DLC1: variants seen among roughly 807,000 people sequenced by gnomAD.
The protein encoded by DLC1 is DLC1 Rho GTPase activating protein.
DLC1 carries 54 observed loss-of-function variants against 140.3 expected under a neutral mutation model. The ratio of observed to expected loss-of-function variants is 0.38; its 90% CI spans 0.31 to 0.48. DLC1 has a LOEUF of 0.48. DLC1 is among the 20% of genes least tolerant of loss of function. The pLI, the probability that DLC1 is intolerant of heterozygous loss-of-function variation, is 0.96. For missense variants in DLC1, 2,536 were observed against 1,907.0 expected, an observed-to-expected ratio of 1.33 and a Z score of -6.14; for synonymous variants, 986 against 728.1, an observed-to-expected ratio of 1.35 and a Z score of -5.70.
At chr8:13,236,581 C>T (rs1311668828) in intron 5 of DLC1, among the ~76,000 whole-genome samples, 8 of 152,072 alleles carry the variant, frequency 5.3e-5, no homozygotes, top group Non-Finnish European at 1.0e-4. Context: ...TATTGAACCA[C>T]AGATTTCTGG....
intron 5 of DLC1, among the ~76,000 whole-genome samples, chr8:13,285,889 C>G (rs1359582944): frequency 6.6e-6 from 1 of 152,076 alleles, no homozygotes; most frequent in Non-Finnish European, 1.5e-5. Flanking sequence ...GAGATCAGCT[C>G]AGTGCTTGCC....
intron 5 of DLC1, among the ~76,000 whole-genome samples, chr8:13,264,958 G>C (rs886274309): frequency 1.3e-5 from 2 of 152,176 alleles, no homozygotes; most frequent in African/African-American, 4.8e-5. Context: ...AAAGCAATTA[G>C]TACATACTTC....
intron 2 of DLC1, among the ~76,000 whole-genome samples, chr8:13,472,568 C>T (rs1282484658): frequency 6.6e-6 from 1 of 152,124 alleles, no homozygotes; most frequent in African/African-American, 2.4e-5. Context: ...TAGTAGTCCC[C>T]TAGGACATAG....
intron 5 of DLC1, among the ~76,000 whole-genome samples, chr8:13,152,109 G>C (rs562055888): frequency 1.6e-4 from 25 of 152,298 alleles, no homozygotes; most frequent in African/African-American, 5.1e-4. Flanking sequence ...GGGTTGCTTT[G>C]AGTGCACAAC....
intron 2 of DLC1, among the ~76,000 whole-genome samples, chr8:13,492,481 TC>T (rs1266994220): frequency 4.0e-5 from 2 of 49,776 alleles, no homozygotes; most frequent in African/African-American, 1.0e-4. Context: ...TCCTTTTTTT[TC>T]TATCACTTAC....
intron 1 of DLC1, among the ~76,000 whole-genome samples, chr8:13,571,878 C>G (rs1023455634): frequency 1.3e-5 from 2 of 152,078 alleles, no homozygotes; most frequent in Admixed American, 6.6e-5. Flanking sequence ...TTTTATTTTC[C>G]CCTTCAAAAG....
intron 2 of DLC1, among the ~76,000 whole-genome samples, chr8:13,440,380 A>G (rs185337698): frequency 4.3e-4 from 65 of 152,318 alleles, no homozygotes; most frequent in Non-Finnish European, 1.5e-5. Context: ...AAACATGTTA[A>G]CAAACATAAA....
chr8:13,350,089 C>A (rs1472126118), intron 4 of DLC1, among the ~76,000 whole-genome samples: 1 of 152,140 alleles, frequency 6.6e-6, no homozygotes, highest in Non-Finnish European at 1.5e-5. Context: ...ATGATCCTGG[C>A]CAGATCAAAT....
At position 13,112,639 on chromosome 8, in the gene DLC1, C is replaced by G. The variant is rs189679638; in HGVS notation, c.1421-1816G>C. Among the ~76,000 whole-genome samples the G allele has an allele frequency of 2.0e-3, 311 of 152,280 alleles. 2 individuals carry two copies. The highest frequency in any genetic ancestry group is 4.4e-4 in the Non-Finnish European group (30 of 68,022). On this transcript the variant is annotated intron_variant, in intron 6 of 17. Coordinates refer to ENST00000276297, the MANE Select transcript of DLC1 (RefSeq NM_182643.3). ...CTTATAGTCAATGGAAACTGGAGCA[C>G]TAGTAAATGAGGGAAGACAGGTTGT... is the stretch of plus-strand genomic sequence containing the variant.
At chr8:13,468,531 G>A (rs1014554561) in intron 2 of DLC1, among the ~76,000 whole-genome samples, 1 of 151,600 alleles carries the variant, frequency 6.6e-6, no homozygotes, top group Admixed American at 6.6e-5. Flanking sequence ...GCACCACCGT[G>A]CTTGCCTAAT....
intron 1 of DLC1, among the ~76,000 whole-genome samples, chr8:13,551,477 T>C (rs891337021): frequency 6.6e-6 from 1 of 152,060 alleles, no homozygotes; most frequent in African/African-American, 2.4e-5. Flanking sequence ...GATTACTCTC[T>C]CTTTCCCTCC....
At chr8:13,089,903 G>A (rs553673447) in intron 15 of DLC1, among the ~76,000 whole-genome samples, 2 of 152,300 alleles carry the variant, frequency 1.3e-5, no homozygotes, top group East Asian at 3.9e-4. Flanking sequence ...AGTGCAAAGG[G>A]ATTCTGACCA....
At chr8:13,200,876 G>A (rs898036011) in intron 5 of DLC1, among the ~76,000 whole-genome samples, 3 of 152,168 alleles carry the variant, frequency 2.0e-5, no homozygotes, top group African/African-American at 7.2e-5. Flanking sequence ...GGGGATACAA[G>A]CATGACCCAC....
intron 5 of DLC1, among the ~76,000 whole-genome samples, chr8:13,147,536 A>T (rs1223208815): frequency 6.6e-6 from 1 of 152,212 alleles, no homozygotes; most frequent in East Asian, 1.9e-4. Context: ...TGGAGCGGGC[A>T]GGCACTCTTA....
chr8:13,324,078 A>C (rs1833235926), intron 4 of DLC1, among the ~76,000 whole-genome samples: 1 of 152,236 alleles, frequency 6.6e-6, no homozygotes, highest in African/African-American at 2.4e-5. Context: ...AGTGTCTGAC[A>C]AATCCGACTG....
intron 2 of DLC1, among the ~76,000 whole-genome samples, chr8:13,458,417 A>G (rs1799511048): frequency 6.6e-6 from 1 of 152,202 alleles, no homozygotes; most frequent in Middle Eastern, 3.2e-3. Flanking sequence ...ATTTCTACTA[A>G]TTGAAGTTTT....
At chr8:13,497,207 A>G (rs1019772639) in intron 2 of DLC1, among the ~76,000 whole-genome samples, 3 of 152,164 alleles carry the variant, frequency 2.0e-5, no homozygotes, top group African/African-American at 4.8e-5. Flanking sequence ...AATATGCTCT[A>G]TTGTTTCTTC....
At position 13,098,564 on chromosome 8, in the gene DLC1, C is replaced by T. The variant is rs1308548930; in HGVS notation, c.3002G>A (p.Arg1001Lys). ...SLTRSNRHRL[R>K]WHSFQSSHRP... ...ATGTGAGCTCTGGAAACTGTGCCAT[C>T]TCAGTCGGTGCCTGCGAGAGAAGAG... is the stretch of plus-strand genomic sequence containing the variant. The change falls in exon 10 of 18, where the codon AGA becomes AAA. Residue 1001 changes from arginine (R) to lysine (K), a missense_variant. Physicochemically the swap from Arg to Lys is conservative, Grantham distance 26. Coordinates refer to ENST00000276297, the MANE Select transcript of DLC1 (RefSeq NM_182643.3). 6.2e-7 allele frequency: 1 copy of T among 1,614,030 alleles called. No individual in the cohort carries two copies. Among genetic ancestry groups the T allele is most frequent in the East Asian group, 2.2e-5 (1 of 44,880 alleles).
At chr8:13,461,947 C>T (rs1359647723) in intron 2 of DLC1, among the ~76,000 whole-genome samples, 2 of 152,322 alleles carry the variant, frequency 1.3e-5, no homozygotes, top group South Asian at 2.1e-4. Flanking sequence ...GTATTTATCT[C>T]TGGTCATATC....
Sources: allele counts gnomAD v4.1 joint callset (sites outside exome capture counted in the v4.1 genomes callset), GRCh38; gene constraint gnomAD v4.1.1; transcripts MANE v1.5; gene names NCBI Gene and HGNC (gene_info 2026-07-23, HGNC 2026-07-21).